The following WDFY3 variants were observed in gnomAD, a reference collection of about 807,000 sequenced individuals.
The protein encoded by WDFY3 is WD repeat and FYVE domain containing 3.
Under a neutral mutation model 409.6 loss-of-function variants are expected in WDFY3, and 66 were observed. The observed-to-expected ratio is 0.16, with a 90% CI of 0.13 to 0.20. The LOEUF (loss-of-function observed/expected upper bound fraction) is 0.20. WDFY3 is among the 10% of genes least tolerant of loss of function. WDFY3 has a pLI of 1.00. For synonymous variants in WDFY3, 1,521 were observed against 1,537.1 expected (o/e 0.99, Z 0.25); for missense variants, 3,031 against 4,298.1 (o/e 0.71, Z 8.24).
At chr4:84,800,421 T>A (rs1313162412) in intron 17 of WDFY3, among the ~76,000 whole-genome samples, 1 of 152,082 alleles carries the variant, frequency 6.6e-6, no homozygotes, top group Non-Finnish European at 1.5e-5. Context: ...TATATATGAA[T>A]CATTCAAGAA....
At chr4:84,961,215 C>CAAA (rs35416764) in intron 1 of WDFY3, among the ~76,000 whole-genome samples, 3 of 109,154 alleles carry the variant, frequency 2.7e-5, no homozygotes, top group Admixed American at 8.9e-5. Flanking sequence ...GACTCTGTCT[C>CAAA]AAAAAAAAAA....
intron 36 of WDFY3, chr4:84,751,145 C>T (rs184336615): frequency 7.9e-4 from 270 of 340,970 alleles, no homozygotes; most frequent in African/African-American, 5.4e-3. Context: ...TCCATGGCTG[C>T]TTTCTAGCTA....
rs190789644 is a variant in WDFY3 at position 84,756,280 on chromosome 4, C to T, written c.5424+646G>A. ...TAAGCCACTCCTTTCATTTTTAATT[C>T]TGCAGAAATCAATCACATGACAGGC... is the stretch of plus-strand genomic sequence containing the variant. On this transcript the variant is annotated intron_variant, in intron 33 of 67. Coordinates refer to ENST00000295888, the MANE Select transcript of WDFY3 (RefSeq NM_014991.6). 8.6e-4 allele frequency among the ~76,000 whole-genome samples: 131 copies of T among 152,068 alleles called. No homozygotes were observed. In the Middle Eastern group the frequency reaches 0.02, roughly 24 times the overall value.
At chr4:84,830,393 T>C (rs1405178110) in intron 8 of WDFY3, among the ~76,000 whole-genome samples, 21 of 152,220 alleles carry the variant, frequency 1.4e-4, no homozygotes. Context: ...TTGTGTTAGA[T>C]GATCTTACCC....
intron 32 of WDFY3, among the ~76,000 whole-genome samples, chr4:84,762,288 A>C (rs1742772205): frequency 6.6e-6 from 1 of 152,036 alleles, no homozygotes; most frequent in Admixed American, 6.6e-5. Flanking sequence ...CAGCCATAAA[A>C]AATGATGAGT....
In WDFY3 at chr4:84,736,227, T is replaced by A. The variant is rs368928666; in HGVS notation, c.6858A>T (p.Thr2286=). The A allele has an allele frequency of 6.2e-6, 10 of 1,613,410 alleles. No homozygotes were observed. Among genetic ancestry groups the A allele is most frequent in the Non-Finnish European group, 7.6e-6 (9 of 1,179,628 alleles). ...VSSGFGLSKL[T]GSRRNRKESG... is the part of the protein sequence containing the mutation. ...TTTCTTTTCGATTCCTTCTTGATCC[T>A]GTTAACTTGGAAAGACCAAAGCCAC... The change falls in exon 42 of 68, where the codon ACA becomes ACT. Residue 2286 remains threonine (T), a synonymous_variant. Coordinates refer to ENST00000295888, the MANE Select transcript of WDFY3 (RefSeq NM_014991.6).
intron 5 of WDFY3, among the ~76,000 whole-genome samples, chr4:84,845,923 G>A (rs902136014): frequency 3.3e-5 from 5 of 150,522 alleles, no homozygotes; most frequent in African/African-American, 1.2e-4. Flanking sequence ...AAAAGGCAGA[G>A]AAATCCTATG....
At chr4:84,740,511 C>G in intron 38 of WDFY3, 95 bp from the exon 39 acceptor site, 1 of 1,168,690 alleles carries the variant, frequency 8.6e-7, no homozygotes, top group Non-Finnish European at 1.2e-6. Flanking sequence ...CTATTATATA[C>G]CAGATGCCAT....
chr4:84,959,307 A>C (rs1774629789), intron 1 of WDFY3, among the ~76,000 whole-genome samples: 1 of 152,216 alleles, frequency 6.6e-6, no homozygotes, highest in Non-Finnish European at 1.5e-5. Flanking sequence ...CAGAAAAAAA[A>C]AGGTATACTG....
chr4:84,798,154 T>C (rs745749165), intron 17 of WDFY3, 46 bp from the exon 18 acceptor site: 21 of 1,438,106 alleles, frequency 1.5e-5, no homozygotes, highest in Middle Eastern at 1.8e-4. Flanking sequence ...GAGATTATTA[T>C]ATAATTCATT....
At chr4:84,907,044 G>T (rs1299475467) in intron 2 of WDFY3, among the ~76,000 whole-genome samples, 2 of 152,030 alleles carry the variant, frequency 1.3e-5, no homozygotes, top group Non-Finnish European at 2.9e-5. Flanking sequence ...TTGCATCCAT[G>T]GATGTGGAAC....
chr4:84,700,292 C>T (rs1427669109), intron 56 of WDFY3, among the ~76,000 whole-genome samples: 1 of 152,314 alleles, frequency 6.6e-6, no homozygotes, highest in South Asian at 2.1e-4. Flanking sequence ...GCAGCCTCAA[C>T]TCCTGGGGTA....
chr4:84,853,155 T>C (rs950925752), intron 4 of WDFY3, among the ~76,000 whole-genome samples: 4 of 152,228 alleles, frequency 2.6e-5, no homozygotes, highest in Non-Finnish European at 5.9e-5. Context: ...TGCTCAGAGA[T>C]GAGTACATAG....
chr4:84,752,772 A>T (rs1463797338), intron 35 of WDFY3, among the ~76,000 whole-genome samples: 4 of 152,154 alleles, frequency 2.6e-5, no homozygotes, highest in Non-Finnish European at 4.4e-5. Flanking sequence ...TATATGGTGG[A>T]AATATGAAGA....
At chr4:84,945,544 C>T (rs1375160750) in intron 1 of WDFY3, among the ~76,000 whole-genome samples, 1 of 152,222 alleles carries the variant, frequency 6.6e-6, no homozygotes, top group Non-Finnish European at 1.5e-5. Context: ...CAAATAGACT[C>T]TTATTCAGAC....
intron 13 of WDFY3, among the ~76,000 whole-genome samples, chr4:84,813,229 C>A (rs1752783936): frequency 6.6e-6 from 1 of 152,090 alleles, no homozygotes. Context: ...AAACTGAGAA[C>A]CCACATTTTC....
intron 2 of WDFY3, among the ~76,000 whole-genome samples, chr4:84,897,531 C>T (rs1561029568): frequency 6.6e-6 from 1 of 152,028 alleles, no homozygotes; most frequent in African/African-American, 2.4e-5. Flanking sequence ...TACAGGTGTA[C>T]GCCACCATGC....
At chr4:84,874,305 G>A (rs576686569) in intron 3 of WDFY3, among the ~76,000 whole-genome samples, 96 of 151,814 alleles carry the variant, frequency 6.3e-4, no homozygotes, top group Non-Finnish European at 1.1e-3. Flanking sequence ...CCCAGCTACT[G>A]GGGAGGCTGA....
At chr4:84,691,332 C>T (rs1423996450) in intron 60 of WDFY3, among the ~76,000 whole-genome samples, 1 of 152,072 alleles carries the variant, frequency 6.6e-6, no homozygotes, top group Non-Finnish European at 1.5e-5. Context: ...GAGCTCCTTG[C>T]TGGCTAGGAT....
Sources: gnomAD v4.1 joint callset for allele counts (sites outside exome capture counted in the v4.1 genomes callset) on GRCh38, gnomAD v4.1.1 for gene constraint, MANE v1.5 for transcripts, NCBI Gene and HGNC (gene_info 2026-07-23, HGNC 2026-07-21) for gene names.